DYSF: variants seen among roughly 807,000 people sequenced by gnomAD.
DYSF encodes the protein dystrophy-associated fer-1-like 1.
DYSF carries 212 observed loss-of-function variants against 274.9 expected under a neutral mutation model. The ratio of observed to expected loss-of-function variants is 0.77; its 90% CI spans 0.69 to 0.86. DYSF has a LOEUF of 0.86. Among genes scored for constraint, DYSF ranks in the 40% least tolerant of loss-of-function variants. DYSF has a pLI of 0.00. For synonymous variants in DYSF, 1,091 were observed against 1,078.7 expected (o/e 1.01, Z -0.22); for missense variants, 2,666 against 2,783.2 (o/e 0.96, Z 0.95).
intron 17 of DYSF, among the ~76,000 whole-genome samples, chr2:71,541,924 C>T (rs1006150214): frequency 6.6e-6 from 1 of 152,062 alleles, no homozygotes; most frequent in Non-Finnish European, 1.5e-5. Flanking sequence ...TATCTTGGTA[C>T]AGGACACTTT....
In DYSF at chr2:71,558,819, TG is replaced by T. The variant is rs570071768; in HGVS notation, c.2216+2755del. 3.6e-3 allele frequency among the ~76,000 whole-genome samples: 553 copies of T among 152,144 alleles called. 3 individuals are homozygous for T. The highest frequency in any genetic ancestry group is 0.027 in the Middle Eastern group (8 of 294). ...CTCTTGAGAATGCATAATGCCTCTC[TG>T]GGGGGGAATTCCAGGCAGCAGGAGC... On this transcript the variant is annotated intron_variant, in intron 22 of 55. Coordinates refer to ENST00000410020, the MANE Select transcript of DYSF (RefSeq NM_001130987.2).
At chr2:71,679,262 G>C in intron 53 of DYSF, 27 bp downstream of exon 53, 2 of 1,608,610 alleles carry the variant, frequency 1.2e-6, no homozygotes, top group Non-Finnish European at 1.7e-6. Flanking sequence ...CAGCCCCAGT[G>C]GAGGGCATGG....
chr2:71,660,560 T>C lies in DYSF; in HGVS notation c.4912T>C (p.Cys1638Arg). Reference protein sequence around the residue: ...GLQPKDPNGKCDPYIKISIGK... With the variant: ...GLQPKDPNGKRDPYIKISIGK... ...AGAAGTGTTTTGTCTCCTCCTCCAG[T>C]GTGATCCTTACATCAAGATCTCCAT... The change falls in exon 45 of 56, where the codon TGT (cysteine) becomes CGT (arginine). Residue 1638 changes from cysteine (C) to arginine (R), a missense_variant and splice_region_variant. Physicochemically the swap from Cys to Arg is radical, Grantham distance 180 (BLOSUM62 -3). Transcript: ENST00000410020. 3.7e-6 allele frequency: 6 copies of C among 1,613,648 alleles called. No homozygotes were observed. The highest frequency in any genetic ancestry group is 5.1e-6 in the Non-Finnish European group (6 of 1,179,554).
At chr2:71,673,036 C>G (rs2095157342) in intron 51 of DYSF, among the ~76,000 whole-genome samples, 1 of 152,168 alleles carries the variant, frequency 6.6e-6, no homozygotes, top group Non-Finnish European at 1.5e-5. Context: ...CACAGCAGGC[C>G]CTGGCTGGAC....
intron 8 of DYSF, 124 bp from the exon 9 acceptor site, chr2:71,516,056 C>A: frequency 1.9e-6 from 2 of 1,027,034 alleles, no homozygotes; most frequent in Non-Finnish European, 3.0e-6. Flanking sequence ...GAACTGTGCC[C>A]AATCCACATT....
At chr2:71,604,627 G>T (rs886915263) in intron 36 of DYSF, among the ~76,000 whole-genome samples, 1 of 152,222 alleles carries the variant, frequency 6.6e-6, no homozygotes, top group Non-Finnish European at 1.5e-5. Context: ...TGAGATAGGG[G>T]CCTGGACTGG....
intron 26 of DYSF, 110 bp from the exon 27 acceptor site, chr2:71,569,707 CATT>C (rs2092314954): frequency 1.0e-5 from 9 of 861,948 alleles, no homozygotes; most frequent in Non-Finnish European, 1.3e-5. Context: ...CCATGTCTCT[CATT>C]GTTGGTTGGG....
intron 55 of DYSF, among the ~76,000 whole-genome samples, chr2:71,683,575 A>T (rs1168976163): frequency 6.6e-6 from 1 of 152,238 alleles, no homozygotes; most frequent in African/African-American, 2.4e-5. Context: ...GAATGGTGTA[A>T]TCCACCCCTT....
intron 41 of DYSF, among the ~76,000 whole-genome samples, chr2:71,629,228 T>C (rs2094270229): frequency 6.6e-6 from 1 of 152,232 alleles, no homozygotes; most frequent in Non-Finnish European, 1.5e-5. Flanking sequence ...TCTAATCTGC[T>C]ATTTTACCCT....
At chr2:71,573,939 C>T (rs2092610717) in intron 29 of DYSF, among the ~76,000 whole-genome samples, 1 of 152,194 alleles carries the variant, frequency 6.6e-6, no homozygotes, top group Admixed American at 6.5e-5. Flanking sequence ...TCTCCTGCCT[C>T]AGCCTCCCTG....
chr2:71,541,527 G>A (rs2089930214), intron 17 of DYSF, among the ~76,000 whole-genome samples: 1 of 150,696 alleles, frequency 6.6e-6, no homozygotes, highest in African/African-American at 2.4e-5. Flanking sequence ...TTCTTGATTA[G>A]CTGGTTAGAA....
Position 71,686,696 on chromosome 2 carries a change from T to C in DYSF, c.*204T>C, listed in dbSNP as rs2095359629. Reference sequence around the variant, plus strand: ...GATCACCCCACTTCCATCATTTCCTTCTCCCCCAACCCAACGCTTTTTTGG... The same window carrying C: ...GATCACCCCACTTCCATCATTTCCTCCTCCCCCAACCCAACGCTTTTTTGG... On this transcript the variant is annotated 3_prime_UTR_variant, in exon 56 of 56. Coordinates refer to ENST00000410020, the MANE Select transcript of DYSF (RefSeq NM_001130987.2). 5 of 648,474 alleles carry C rather than the reference T, an allele frequency of 7.7e-6. No individual in the cohort carries two copies. Among genetic ancestry groups the C allele is most frequent in the Admixed American group, 2.4e-5 (1 of 42,250 alleles). The allele number at this position is 648,474 out of a possible 1,614,324, so 40.2% of individuals were successfully genotyped here. A position where few individuals can be genotyped will look rare whatever the true frequency, so the allele number is the denominator to read the frequency against.
intron 1 of DYSF, among the ~76,000 whole-genome samples, chr2:71,473,658 A>T (rs7580581): frequency 6.6e-6 from 1 of 151,980 alleles, no homozygotes; most frequent in African/African-American, 2.4e-5. Context: ...GATACTGGCC[A>T]GTAGACCTCA....
chr2:71,506,098 A>G (rs923919671), intron 4 of DYSF, among the ~76,000 whole-genome samples: 2 of 152,180 alleles, frequency 1.3e-5, no homozygotes, highest in African/African-American at 4.8e-5. Context: ...TGTCTTGTCC[A>G]CACGGGACAC....
In DYSF at chr2:71,572,255, C is replaced by G. The variant is rs145802178; in HGVS notation, c.3228+1514C>G. On this transcript the variant is annotated intron_variant, in intron 29 of 55. Transcript: ENST00000410020. ...CATGCACAGATCACACCTAGCACAC[C>G]CACAGATCACAACCAGCACAGATCA... Among the ~76,000 whole-genome samples, 160 of 20,696 alleles carry G rather than the reference C, an allele frequency of 7.7e-3. 1 individual carries two copies. Among genetic ancestry groups the G allele is most frequent in the African/African-American group, 0.015 (152 of 10,476 alleles). The allele number at this position is 20,696 out of a possible 152,430, so 13.6% of individuals were successfully genotyped here.
chr2:71,484,045 C>CTTTTTTTTTTTTTT (rs59780652), intron 3 of DYSF, among the ~76,000 whole-genome samples: 1 of 67,548 alleles, frequency 1.5e-5, no homozygotes, highest in Non-Finnish European at 2.5e-5. Context: ...GGAGATTTCC[C>CTTTTTTTTTTTTTT]TTTTTTTTTT....
At chr2:71,513,155 T>C in intron 5 of DYSF, 85 bp from the exon 6 acceptor site, 1 of 1,313,882 alleles carries the variant, frequency 7.6e-7, no homozygotes, top group Non-Finnish European at 1.1e-6. Flanking sequence ...GAAGGCAGGG[T>C]TGGGGATGGA....
intron 51 of DYSF, among the ~76,000 whole-genome samples, chr2:71,673,080 C>A (rs2095158292): frequency 6.6e-6 from 1 of 152,322 alleles, no homozygotes; most frequent in Non-Finnish European, 1.5e-5. Context: ...TTTGGTGGAG[C>A]TTTTCCCCTG....
At position 71,535,333 on chromosome 2, in the gene DYSF, CTT is replaced by C. The variant is rs757340333; in HGVS notation, c.1493+24_1493+25del. The C allele has an allele frequency of 2.5e-5, 40 of 1,613,598 alleles. No individual in the cohort carries two copies. In the Admixed American group the frequency reaches 4.7e-4, roughly 19 times the overall value. Reference sequence around the variant, plus strand: ...ACTGGTGAGTTCTGAGTCTTGGAGTCTTTAGGGCGGGCTGTCCTGAGGGGGCG... The same window carrying C: ...ACTGGTGAGTTCTGAGTCTTGGAGTCTAGGGCGGGCTGTCCTGAGGGGGCG... On this transcript the variant is annotated intron_variant, in intron 16 of 55. Coordinates refer to ENST00000410020, the MANE Select transcript of DYSF (RefSeq NM_001130987.2).
Sources: gnomAD v4.1 joint callset for allele counts (sites outside exome capture counted in the v4.1 genomes callset) on GRCh38, gnomAD v4.1.1 for gene constraint, MANE v1.5 for transcripts, NCBI Gene and HGNC (gene_info 2026-07-23, HGNC 2026-07-21) for gene names.